The following ATP9A variants were observed in gnomAD, a reference collection of about 807,000 sequenced individuals.
ATP9A encodes probable phospholipid-transporting ATPase IIA.
Under a neutral mutation model 144.1 loss-of-function variants are expected in ATP9A, and 52 were observed. The observed-to-expected ratio is 0.36, with a 90% CI of 0.29 to 0.45. ATP9A has a LOEUF of 0.45. Among genes scored for constraint, ATP9A ranks in the 20% least tolerant of loss-of-function variants. ATP9A has a pLI of 1.00. For synonymous variants in ATP9A, 582 were observed against 557.4 expected, an observed-to-expected ratio of 1.04 and a Z score of -0.62; for missense variants, 947 against 1,392.7, an observed-to-expected ratio of 0.68 and a Z score of 5.09.
At position 51,651,255 on chromosome 20, in the gene ATP9A, A is replaced by G. The variant is rs57112978; in HGVS notation, c.1506+5683T>C. On this transcript the variant is annotated intron_variant, in intron 14 of 27. Transcript: ENST00000338821. ...TTATTTACATAATATATATTTACAT[A>G]ATATATTATATAATATATATTTACA... is the stretch of plus-strand genomic sequence containing the variant. Among the ~76,000 whole-genome samples the G allele has an allele frequency of 5.2e-5, 4 of 76,912 alleles. No homozygotes were observed. The Admixed American group carries it at 5.9e-4, about 11-fold the overall frequency. The allele number at this position is 76,912 out of a possible 152,430, so 50.5% of individuals were successfully genotyped here.
intron 13 of ATP9A, among the ~76,000 whole-genome samples, chr20:51,657,407 T>C (rs73913030): frequency 0.023 from 3,531 of 151,948 alleles, 80 homozygotes; most frequent in African/African-American, 0.056. Flanking sequence ...TACCTGCAGA[T>C]TGAGTGAATC....
At chr20:51,721,336 A>T (rs924524840) in intron 3 of ATP9A, among the ~76,000 whole-genome samples, 1 of 152,242 alleles carries the variant, frequency 6.6e-6, no homozygotes, top group Non-Finnish European at 1.5e-5. Context: ...AAAAAATTTA[A>T]TAAGTTGGGC....
chr20:51,629,070 A>T lies in ATP9A; in HGVS notation c.1671T>A (p.Asp557Glu). ...ESKRMGIIVR[D>E]ESTGEITFYM... ...AAAACGTAATTTCTCCAGTTGATTC[A>T]TCCTAGAGAGGGAGGCCGGAAGGAA... Residue 557 changes from aspartate (D) to glutamate (E), a missense_variant and splice_region_variant, in exon 16 of 28, where the codon GAT becomes GAA. By Grantham distance (45) the Asp-to-Glu change is conservative. This residue lies in a region of ATP9A where 770 missense variants were observed against 1,047.9 expected (regional missense o/e 0.73). Transcript: ENST00000338821. 1 of 1,612,706 alleles carries T rather than the reference A, an allele frequency of 6.2e-7. No individual in the cohort carries two copies. The highest frequency in any genetic ancestry group is 8.5e-7 in the Non-Finnish European group (1 of 1,178,706).
chr20:51,741,491 C>G (rs1025657769), intron 1 of ATP9A, among the ~76,000 whole-genome samples: 1 of 152,058 alleles, frequency 6.6e-6, no homozygotes, highest in Non-Finnish European at 1.5e-5. Flanking sequence ...ACAGGACAAT[C>G]GCTTGAACCT....
intron 13 of ATP9A, among the ~76,000 whole-genome samples, chr20:51,662,140 T>A (rs1209432905): frequency 6.6e-6 from 1 of 152,184 alleles, no homozygotes; most frequent in Non-Finnish European, 1.5e-5. Flanking sequence ...ATCCAGGGCT[T>A]AGGACCAGGG....
chr20:51,617,565 C>T lies in ATP9A; in HGVS notation c.2351-11G>A, dbSNP rs1460076734. ...CATTGCCTCCGTCCCCTGCGAGCCA[C>T]ACAGACCAGAGAGAAAAGATGTTTC... On this transcript the variant is annotated splice_polypyrimidine_tract_variant and intron_variant, in intron 21 of 27. Coordinates refer to ENST00000338821, the MANE Select transcript of ATP9A (RefSeq NM_006045.3). The T allele has an allele frequency of 6.2e-7, 1 of 1,610,824 alleles. No homozygotes were observed. The highest frequency in any genetic ancestry group is 8.5e-7 in the Non-Finnish European group (1 of 1,178,514).
intron 9 of ATP9A, among the ~76,000 whole-genome samples, chr20:51,684,305 C>G (rs1016636271): frequency 1.3e-5 from 2 of 152,196 alleles, no homozygotes; most frequent in Non-Finnish European, 2.9e-5. Flanking sequence ...TATTAATATT[C>G]TTATGACATA....
At chr20:51,658,777 C>T (rs2122771808) in intron 13 of ATP9A, among the ~76,000 whole-genome samples, 1 of 151,288 alleles carries the variant, frequency 6.6e-6, no homozygotes, top group South Asian at 2.1e-4. Flanking sequence ...GCCTCGGCCT[C>T]CCAAAGTGCC....
At chr20:51,758,657 T>C (rs6067922) in intron 1 of ATP9A, among the ~76,000 whole-genome samples, 61,607 of 152,016 alleles carry the variant, frequency 0.41, 14,611 homozygotes, top group African/African-American at 0.65. Context: ...CTGGGCGCAG[T>C]GGCTTATGCT....
At chr20:51,609,998 G>A (rs2077178873) in intron 24 of ATP9A, 103 bp downstream of exon 24, 2 of 1,008,972 alleles carry the variant, frequency 2.0e-6, no homozygotes, top group East Asian at 4.8e-5. Flanking sequence ...GGAATCCAAT[G>A]TGGCTTGGGA....
chr20:51,604,944 C>T lies in ATP9A; in HGVS notation c.2880G>A (p.Ser960=), dbSNP rs140124765. ...CCATGAGCAGCTCGGTGAGGATCAG[C>T]GAGGTGAAGGAGATGGCCACGATGT... is the stretch of plus-strand genomic sequence containing the variant. The part of the protein sequence containing the change: ...FVHIVAISFT[S]LILTELLMVA... Residue 960 remains serine, a synonymous_variant, in exon 27 of 28, where the codon TCG becomes TCA. Coordinates refer to ENST00000338821, the MANE Select transcript of ATP9A (RefSeq NM_006045.3). The T allele has an allele frequency of 3.8e-5, 62 of 1,613,258 alleles. 1 individual carries two copies. The highest frequency in any genetic ancestry group is 3.3e-4 in the Admixed American group (20 of 59,958).
At chr20:51,748,948 T>TAGATAGATAGACAGACAGACAGACAGAC (rs765791447) in intron 1 of ATP9A, among the ~76,000 whole-genome samples, 25 of 137,904 alleles carry the variant, frequency 1.8e-4, no homozygotes, top group East Asian at 1.1e-3. Context: ...GATAGATAGA[T>TAGATAGATAGACAGACAGACAGACAGAC]AGACAGACAG....
intron 21 of ATP9A, 107 bp downstream of exon 21, chr20:51,618,555 G>A: frequency 2.1e-6 from 3 of 1,444,482 alleles, no homozygotes; most frequent in Non-Finnish European, 2.8e-6. Flanking sequence ...GAACAAAGGG[G>A]CCTGGGGAAT....
intron 4 of ATP9A, among the ~76,000 whole-genome samples, chr20:51,698,683 T>C (rs193192239): frequency 2.6e-5 from 4 of 151,524 alleles, no homozygotes; most frequent in South Asian, 2.1e-4. Context: ...TGTGGGAGAG[T>C]TGAGGCCAGA....
chr20:51,698,129 T>C (rs574192650), intron 4 of ATP9A, among the ~76,000 whole-genome samples: 1 of 152,326 alleles, frequency 6.6e-6, no homozygotes, highest in Admixed American at 6.5e-5. Context: ...ATGTCCCACC[T>C]TCCCCCAAAG....
intron 9 of ATP9A, among the ~76,000 whole-genome samples, chr20:51,678,334 T>C (rs1012776481): frequency 6.6e-6 from 1 of 152,142 alleles, no homozygotes; most frequent in African/African-American, 2.4e-5. Flanking sequence ...GGAATGCCAC[T>C]GTCAGGAGAT....
chr20:51,603,154 G>A (rs1047600693), intron 27 of ATP9A, among the ~76,000 whole-genome samples: 7 of 152,158 alleles, frequency 4.6e-5, no homozygotes, highest in African/African-American at 9.7e-5. Flanking sequence ...AGCAGCCTCC[G>A]GGCCCTGCTC....
In ATP9A at chr20:51,615,828, G is replaced by T. The variant is rs4811205; in HGVS notation, c.2415+1662C>A. On this transcript the variant is annotated intron_variant, in intron 22 of 27. Coordinates refer to ENST00000338821, the MANE Select transcript of ATP9A (RefSeq NM_006045.3). ...TTTTTGTATTTTTAGTAGAGACGGGGTCTCACCATGTTGGCCAGGCTGGTC... is the reference window on the plus strand; with the variant it reads ...TTTTTGTATTTTTAGTAGAGACGGGTTCTCACCATGTTGGCCAGGCTGGTC... Among the ~76,000 whole-genome samples the T allele has an allele frequency of 2.3e-3, 346 of 152,246 alleles. 4 individuals are homozygous for T. Among genetic ancestry groups the T allele is most frequent in the Admixed American group, 0.014 (208 of 15,286 alleles).
At chr20:51,767,124 G>A (rs939082725) in intron 1 of ATP9A, among the ~76,000 whole-genome samples, 9 of 149,066 alleles carry the variant, frequency 6.0e-5, no homozygotes, top group South Asian at 4.2e-4. Context: ...CCACCCTTAT[G>A]GTTCACTCCA....
Sources: allele counts gnomAD v4.1 joint callset (sites outside exome capture counted in the v4.1 genomes callset), GRCh38; gene constraint gnomAD v4.1.1; regional missense constraint gnomAD v4.1.1; transcripts MANE v1.5; gene names NCBI Gene and HGNC (gene_info 2026-07-23, HGNC 2026-07-21).